Variants in LPGAT1 observed in about 807,000 individuals in gnomAD.
LPGAT1 encodes the protein acyl-CoA:lysophosphatidylglycerol acyltransferase 1.
Under a neutral mutation model 47.5 loss-of-function variants are expected in LPGAT1, and 11 were observed. The observed-to-expected ratio is 0.23, with a 90% CI of 0.15 to 0.38. The LOEUF (loss-of-function observed/expected upper bound fraction) is 0.38, where lower values mean the gene tolerates loss of function less well. Ranked by LOEUF, LPGAT1 falls within the 10% of genes least tolerant of loss-of-function variation. The pLI, the probability that LPGAT1 is intolerant of heterozygous loss-of-function variation, is 1.00. For missense variants in LPGAT1, 293 were observed against 439.0 expected (o/e 0.67, Z 2.97); for synonymous variants, 138 against 144.2 (o/e 0.96, Z 0.31).
intron 2 of LPGAT1, among the ~76,000 whole-genome samples, chr1:211,818,814 T>G (rs768237555): frequency 6.6e-6 from 1 of 152,240 alleles, no homozygotes; most frequent in Non-Finnish European, 1.5e-5. Flanking sequence ...TGACATTTTC[T>G]TACTGCAGCC....
At chr1:211,759,743 A>G (rs1178426079) in intron 6 of LPGAT1, among the ~76,000 whole-genome samples, 2 of 152,150 alleles carry the variant, frequency 1.3e-5, no homozygotes, top group Non-Finnish European at 1.5e-5. Context: ...ATATTTTTGA[A>G]TTTTCATTGT....
chr1:211,760,818 C>T (rs1323379905), intron 6 of LPGAT1, among the ~76,000 whole-genome samples: 1 of 152,170 alleles, frequency 6.6e-6, no homozygotes, highest in African/African-American at 2.4e-5. Flanking sequence ...ATTAACTATT[C>T]AGGAAATCTA....
intron 2 of LPGAT1, among the ~76,000 whole-genome samples, chr1:211,821,512 T>C (rs1660368908): frequency 6.6e-6 from 1 of 152,092 alleles, no homozygotes; most frequent in African/African-American, 2.4e-5. Context: ...TAAACTCAAA[T>C]AACATAAATT....
chr1:211,759,334 C>T (rs1486661753), intron 6 of LPGAT1, among the ~76,000 whole-genome samples: 1 of 152,138 alleles, frequency 6.6e-6, no homozygotes, highest in Non-Finnish European at 1.5e-5. Flanking sequence ...ATTCTCCTGC[C>T]ACAGTCTCCT....
intron 2 of LPGAT1, among the ~76,000 whole-genome samples, chr1:211,816,498 A>G (rs1003878396): frequency 2.6e-5 from 4 of 152,236 alleles, no homozygotes; most frequent in African/African-American, 4.8e-5. Context: ...TACGGCCTAA[A>G]TTATTTTTAT....
intron 6 of LPGAT1, among the ~76,000 whole-genome samples, chr1:211,760,347 C>T (rs1278318185): frequency 1.3e-5 from 2 of 152,094 alleles, no homozygotes; most frequent in African/African-American, 4.8e-5. Flanking sequence ...CCCAGCAACT[C>T]GGGAGGCTGA....
intron 6 of LPGAT1, among the ~76,000 whole-genome samples, chr1:211,768,798 CA>C (rs576126985): frequency 1.1e-4 from 16 of 152,230 alleles, no homozygotes; most frequent in African/African-American, 3.6e-4. Flanking sequence ...GGAACAACTG[CA>C]ATTTGAAGTA....
chr1:211,797,315 T>C (rs886457386), intron 2 of LPGAT1, among the ~76,000 whole-genome samples: 67 of 146,034 alleles, frequency 4.6e-4, no homozygotes, highest in Middle Eastern at 6.9e-3. Context: ...CCTTTTCTTT[T>C]TTTTTTTTTT....
intron 3 of LPGAT1, among the ~76,000 whole-genome samples, chr1:211,792,559 T>TTTG (rs1310987545): frequency 3.3e-5 from 5 of 151,682 alleles, no homozygotes; most frequent in African/African-American, 1.2e-4. Context: ...TGTCCCAGTT[T>TTTG]TTTTTTTTTT....
chr1:211,788,464 C>T (rs1658976371), intron 3 of LPGAT1, among the ~76,000 whole-genome samples: 1 of 152,086 alleles, frequency 6.6e-6, no homozygotes, highest in African/African-American at 2.4e-5. Context: ...AGGTGGATCA[C>T]TTGAGGTCAG....
intron 2 of LPGAT1, among the ~76,000 whole-genome samples, chr1:211,805,476 A>T (rs1219988081): frequency 6.6e-6 from 1 of 152,212 alleles, no homozygotes; most frequent in East Asian, 1.9e-4. Flanking sequence ...CATAAAGTCA[A>T]AAAATTGTAA....
chr1:211,803,640 T>C (rs79778328), intron 2 of LPGAT1, among the ~76,000 whole-genome samples: 10,425 of 152,206 alleles, frequency 0.068, 417 homozygotes, highest in Non-Finnish European at 0.087. Flanking sequence ...GTTTTATACA[T>C]AGCTCAGCTC....
intron 6 of LPGAT1, among the ~76,000 whole-genome samples, chr1:211,756,982 G>A (rs1455065428): frequency 6.6e-6 from 1 of 151,528 alleles, no homozygotes; most frequent in Non-Finnish European, 1.5e-5. Flanking sequence ...TATCACGCCA[G>A]GTGCGGTGGC....
rs549447343 is a variant in LPGAT1 at position 211,755,420 on chromosome 1, G to GA, written c.855-4354dup. On this transcript the variant is annotated intron_variant, in intron 6 of 7. Coordinates refer to ENST00000366997, the MANE Select transcript of LPGAT1 (RefSeq NM_014873.3). ...ATGTTTAGACCAGCAAATAAATATT[G>GA]AAAAAAAAATCAGAAAAGAATATTA... Among the ~76,000 whole-genome samples, 163 of 149,682 alleles carry GA rather than the reference G, an allele frequency of 1.1e-3. 5 individuals are homozygous for GA. The South Asian group carries it at 0.029, about 26-fold the overall frequency.
intron 2 of LPGAT1, among the ~76,000 whole-genome samples, chr1:211,828,067 T>C (rs1400550107): frequency 6.6e-6 from 1 of 152,134 alleles, no homozygotes; most frequent in Admixed American, 6.5e-5. Flanking sequence ...AGACAGAATT[T>C]CAGATGGAGA....
chr1:211,800,387 C>T lies in LPGAT1; in HGVS notation c.239-7197G>A, dbSNP rs185920406. Among the ~76,000 whole-genome samples the T allele has an allele frequency of 4.6e-5, 7 of 152,052 alleles. No individual in the cohort carries two copies. The East Asian group carries it at 1.4e-3, about 29-fold the overall frequency. Reference sequence around the variant, plus strand: ...TTGCCTAGACTTCTGCAATGACTTCCTAACTAGTCTTCTTGCTTCCACTCC... The same window carrying T: ...TTGCCTAGACTTCTGCAATGACTTCTTAACTAGTCTTCTTGCTTCCACTCC... On this transcript the variant is annotated intron_variant, in intron 2 of 7. Transcript: ENST00000366997.
At position 211,830,032 on chromosome 1, in the gene LPGAT1, T is replaced by G; in HGVS notation, c.-28+541A>C. On this transcript the variant is annotated intron_variant, in intron 1 of 7. Transcript: ENST00000366997. This position sits in a 1 kb window ranked among gnomAD's most constrained non-coding sequence, Gnocchi z 5.9. ...GCCAAGGAACTGGGGATGAAGAGAA[T>G]GAGATTTCCGACCAGAGGGCAAGGA... 1 of 985,296 alleles carries G rather than the reference T, an allele frequency of 1.0e-6. No homozygotes were observed. The highest frequency in any genetic ancestry group is 4.7e-5 in the South Asian group (1 of 21,276). 61.0% of individuals were successfully genotyped at this position (985,296 alleles called of 1,614,324 possible).
chr1:211,809,620 G>C (rs1659894908), intron 2 of LPGAT1, among the ~76,000 whole-genome samples: 1 of 152,038 alleles, frequency 6.6e-6, no homozygotes, highest in Non-Finnish European at 1.5e-5. Context: ...TTCCCATGCT[G>C]TTCTCATGAT....
At chr1:211,796,043 CAT>C (rs1659337860) in intron 2 of LPGAT1, among the ~76,000 whole-genome samples, 1 of 151,782 alleles carries the variant, frequency 6.6e-6, no homozygotes, top group Non-Finnish European at 1.5e-5. Flanking sequence ...ATCTGTGCTA[CAT>C]GAGTGGAAAA....
Sources: allele counts gnomAD v4.1 joint callset (sites outside exome capture counted in the v4.1 genomes callset), GRCh38; gene constraint gnomAD v4.1.1; non-coding constraint Gnocchi (gnomAD v3.1); transcripts MANE v1.5; gene names NCBI Gene and HGNC (gene_info 2026-07-23, HGNC 2026-07-21).